Variants in GPC5 observed in about 807,000 individuals in gnomAD.
The protein encoded by GPC5 is glypican-5.
Under a neutral mutation model 53.9 loss-of-function variants are expected in GPC5, and 47 were observed. That is an observed-to-expected ratio of 0.87 (90% CI 0.69 to 1.11). The LOEUF is 1.11. Among genes scored for constraint, GPC5 ranks in the 50% most tolerant of loss-of-function variants. The probability of loss-of-function intolerance (pLI) is 0.00; values close to 1 mark genes in which losing one functional copy is unlikely to be tolerated. For synonymous variants in GPC5, 286 were observed against 263.3 expected (o/e 1.09, Z -0.84); for missense variants, 748 against 713.1 (o/e 1.05, Z -0.56).
intron 7 of GPC5, among the ~76,000 whole-genome samples, chr13:92,807,579 A>C (rs1877143483): frequency 6.6e-6 from 1 of 152,072 alleles, no homozygotes. Flanking sequence ...TGGCTGCAGT[A>C]AAGCAACCGC....
At chr13:92,135,540 G>A (rs1160441381) in intron 6 of GPC5, among the ~76,000 whole-genome samples, 3 of 152,142 alleles carry the variant, frequency 2.0e-5, no homozygotes, top group Non-Finnish European at 4.4e-5. Context: ...TGAACCGGAG[G>A]TAAGGATCAG....
intron 7 of GPC5, among the ~76,000 whole-genome samples, chr13:92,239,256 T>C (rs896590850): frequency 2.6e-5 from 4 of 151,974 alleles, no homozygotes; most frequent in Non-Finnish European, 5.9e-5. Context: ...CAAGCTGACT[T>C]TTTAATAGGA....
At chr13:91,671,178 ATT>A (rs1020624495) in intron 2 of GPC5, among the ~76,000 whole-genome samples, 1 of 152,118 alleles carries the variant, frequency 6.6e-6, no homozygotes, top group Non-Finnish European at 1.5e-5. Flanking sequence ...AAGCGTAAGG[ATT>A]TTTTTCATTT....
intron 7 of GPC5, among the ~76,000 whole-genome samples, chr13:92,703,471 G>A (rs1337461888): frequency 6.6e-6 from 1 of 151,302 alleles, no homozygotes; most frequent in Non-Finnish European, 1.5e-5. Context: ...TGAAAGTCTA[G>A]GGTTTTTTGT....
chr13:91,408,510 A>G (rs1877493349), intron 1 of GPC5, among the ~76,000 whole-genome samples: 1 of 152,174 alleles, frequency 6.6e-6, no homozygotes, highest in Non-Finnish European at 1.5e-5. Context: ...GTAGCATAGA[A>G]AATTATAATT....
intron 7 of GPC5, among the ~76,000 whole-genome samples, chr13:92,751,587 G>A (rs1889400298): frequency 6.9e-6 from 1 of 145,218 alleles, no homozygotes; most frequent in Non-Finnish European, 1.5e-5. Context: ...TCACACACCA[G>A]GGCCTGTTGT....
chr13:92,169,360 T>C (rs2042053705), intron 7 of GPC5, among the ~76,000 whole-genome samples: 1 of 152,184 alleles, frequency 6.6e-6, no homozygotes. Context: ...AATCTAACCT[T>C]TAAAACCATC....
At position 91,750,960 on chromosome 13, in the gene GPC5, C is replaced by T. The variant is rs186349189; in HGVS notation, c.1155-5335C>T. On this transcript the variant is annotated intron_variant, in intron 4 of 7. Transcript: ENST00000377067. ...TACAGGTGTGAGCCATTGCGCCTGG[C>T]CGGTAAGTCTTTTTGACCAGTTCAC... is the stretch of plus-strand genomic sequence containing the variant. 6.2e-3 allele frequency among the ~76,000 whole-genome samples: 895 copies of T among 144,642 alleles called. 8 individuals are homozygous for T. Among genetic ancestry groups the T allele is most frequent in the African/African-American group, 0.023 (858 of 37,846 alleles). The allele number at this position is 144,642 out of a possible 152,430, so 94.9% of individuals were successfully genotyped here. A position where few individuals can be genotyped will look rare whatever the true frequency, so the allele number is the denominator to read the frequency against.
intron 2 of GPC5, among the ~76,000 whole-genome samples, chr13:91,630,043 G>A (rs2034116614): frequency 6.6e-6 from 1 of 152,102 alleles, no homozygotes; most frequent in South Asian, 2.1e-4. Context: ...AGGAGACACT[G>A]AGCTGATATA....
At chr13:92,801,741 T>A (rs1010777220) in intron 7 of GPC5, among the ~76,000 whole-genome samples, 4 of 151,700 alleles carry the variant, frequency 2.6e-5, no homozygotes, top group Admixed American at 2.6e-4. Context: ...TTTACATTTT[T>A]AAATGTTACT....
intron 7 of GPC5, among the ~76,000 whole-genome samples, chr13:92,392,128 T>C (rs1157969708): frequency 6.6e-6 from 1 of 152,218 alleles, no homozygotes; most frequent in African/African-American, 2.4e-5. Context: ...TGTCATACTT[T>C]TACAGATCTG....
chr13:92,636,636 T>C (rs1885412076), intron 7 of GPC5, among the ~76,000 whole-genome samples: 1 of 37,682 alleles, frequency 2.7e-5, no homozygotes, highest in African/African-American at 3.9e-5. Flanking sequence ...CTAACTTTTA[T>C]ACTTACAACC....
At chr13:92,152,842 C>T (rs966173308) in intron 7 of GPC5, among the ~76,000 whole-genome samples, 2 of 151,958 alleles carry the variant, frequency 1.3e-5, no homozygotes, top group Admixed American at 6.6e-5. Context: ...ATAGTTGTAC[C>T]TAACCCTCCA....
At chr13:92,326,640 T>C (rs1269592716) in intron 7 of GPC5, among the ~76,000 whole-genome samples, 3 of 152,174 alleles carry the variant, frequency 2.0e-5, no homozygotes, top group African/African-American at 4.8e-5. Flanking sequence ...CTTTTCCACT[T>C]GCTTCTACTA....
intron 1 of GPC5, among the ~76,000 whole-genome samples, chr13:91,429,075 G>C: frequency 6.6e-6 from 1 of 151,988 alleles, no homozygotes; most frequent in African/African-American, 2.4e-5. Context: ...ATCCACCACT[G>C]AACCTGGCTA....
At chr13:92,164,912 A>C (rs1304883335) in intron 7 of GPC5, among the ~76,000 whole-genome samples, 1 of 152,230 alleles carries the variant, frequency 6.6e-6, no homozygotes, top group Non-Finnish European at 1.5e-5. Flanking sequence ...AAAAGCCACC[A>C]AGGCTTGGGG....
At chr13:92,453,910 T>A (rs1275970623) in intron 7 of GPC5, among the ~76,000 whole-genome samples, 2 of 152,182 alleles carry the variant, frequency 1.3e-5, no homozygotes, top group African/African-American at 2.4e-5. Flanking sequence ...ACACAGTCCT[T>A]GTTAATGACA....
At chr13:92,222,795 C>A (rs986500810) in intron 7 of GPC5, among the ~76,000 whole-genome samples, 15 of 152,046 alleles carry the variant, frequency 9.9e-5, no homozygotes, top group South Asian at 4.1e-4. Context: ...AATAGCATTG[C>A]TAATTAATAG....
At chr13:91,500,863 G>T (rs1323657488) in intron 2 of GPC5, among the ~76,000 whole-genome samples, 3 of 152,094 alleles carry the variant, frequency 2.0e-5, no homozygotes, top group Non-Finnish European at 4.4e-5. Flanking sequence ...CATAGGGGTG[G>T]TTCCCCCATA....
Sources: gnomAD v4.1 joint callset for allele counts (sites outside exome capture counted in the v4.1 genomes callset) on GRCh38, gnomAD v4.1.1 for gene constraint, MANE v1.5 for transcripts, NCBI Gene and HGNC (gene_info 2026-07-23, HGNC 2026-07-21) for gene names.